SV2B: variants seen among roughly 807,000 people sequenced by gnomAD.
SV2B encodes the protein synaptic vesicle glycoprotein 2B, also known as solute carrier family 22 member B2.
A neutral mutation model predicts 73.9 loss-of-function variants in SV2B; 41 were observed. The ratio of observed to expected loss-of-function variants is 0.56; its 90% CI spans 0.43 to 0.72. SV2B has a LOEUF of 0.72. Among genes scored for constraint, SV2B ranks in the 30% least tolerant of loss-of-function variants. The pLI is 0.00. For missense variants in SV2B, 764 were observed against 857.8 expected, an observed-to-expected ratio of 0.89 and a Z score of 1.37; for synonymous variants, 314 against 314.2, an observed-to-expected ratio of 1.00 and a Z score of 0.01.
chr15:91,287,791 G>A (rs1322544610), intron 11 of SV2B, among the ~76,000 whole-genome samples: 1 of 152,202 alleles, frequency 6.6e-6, no homozygotes, highest in Non-Finnish European at 1.5e-5. Context: ...TGTGGAAAGG[G>A]TTATGGAAAC....
Position 91,250,902 on chromosome 15 carries a change from A to G in SV2B, c.452-917A>G, listed in dbSNP as rs184502401. 6.2e-3 allele frequency among the ~76,000 whole-genome samples: 946 copies of G among 152,334 alleles called. 5 individuals are homozygous for G. The highest frequency in any genetic ancestry group is 0.027 in the Middle Eastern group (8 of 294). On this transcript the variant is annotated intron_variant, in intron 2 of 12. Transcript: ENST00000394232. ...CTGCCCAAAGTAACCTACAGATTCAATGCCGTCCCTATCAAACTTCCAATG... is the reference window on the plus strand; with the variant it reads ...CTGCCCAAAGTAACCTACAGATTCAGTGCCGTCCCTATCAAACTTCCAATG...
chr15:91,202,335 A>T (rs1031747666), intron 1 of SV2B, among the ~76,000 whole-genome samples: 2 of 152,224 alleles, frequency 1.3e-5, no homozygotes, highest in Non-Finnish European at 2.9e-5. Context: ...TGCTTAGCAC[A>T]TAGTAGGTGC....
chr15:91,197,098 T>C lies in SV2B; in HGVS notation c.-391-28775T>C, dbSNP rs1397458106. On this transcript the variant is annotated intron_variant, in intron 1 of 12. Transcript: ENST00000394232. The surrounding 1 kb of genome is among the most constrained non-coding windows in gnomAD (Gnocchi z 4.9). ...TGATCTTTGATGTCAGAAAGACCTG[T>C]CTGCCCTGTTTCAGATGTGAGGCTG... Among the ~76,000 whole-genome samples, 2 of 152,264 alleles carry C rather than the reference T, an allele frequency of 1.3e-5. No homozygotes were observed. The highest frequency in any genetic ancestry group is 1.3e-4 in the Admixed American group (2 of 15,288).
rs2048738553 is a variant in SV2B, at chr15:91,283,224, CA to C, written c.1508-795del. 6.6e-6 allele frequency among the ~76,000 whole-genome samples: 1 copy of C among 152,202 alleles called. No homozygotes were observed. Among genetic ancestry groups the C allele is most frequent in the South Asian group, 2.1e-4 (1 of 4,828 alleles). ...TGTCAGAAGACTTGCAAACTGGTTC[CA>C]ATGCAAATGGCTTTTATTTTTTAAG... On this transcript the variant is annotated intron_variant, in intron 10 of 12. Transcript: ENST00000394232. The surrounding 1 kb of genome is among the most constrained non-coding windows in gnomAD (Gnocchi z 4.3).
chr15:91,121,328 A>C lies in SV2B; in HGVS notation c.-392+20965A>C, dbSNP rs560952455. Among the ~76,000 whole-genome samples the C allele has an allele frequency of 2.0e-4, 30 of 152,222 alleles. No homozygotes were observed. Among genetic ancestry groups the C allele is most frequent in the Middle Eastern group, 3.4e-3 (1 of 294 alleles). On this transcript the variant is annotated intron_variant, in intron 1 of 12. Coordinates refer to ENST00000394232, the MANE Select transcript of SV2B (RefSeq NM_001323032.3). The surrounding 1 kb of genome is among the most constrained non-coding windows in gnomAD (Gnocchi z 4.4). The stretch of plus-strand genomic sequence containing the variant: ...ATTTTCCCCCCTAACCCTCCTGAGA[A>C]TACTTAAGCCAGAATCTCTAGGGAT...
At chr15:91,291,064 A>G (rs112763361) in intron 12 of SV2B, among the ~76,000 whole-genome samples, 2 of 148,236 alleles carry the variant, frequency 1.3e-5, no homozygotes, top group African/African-American at 4.9e-5. Context: ...TTATGATAAT[A>G]CATATAATTA....
In SV2B at chr15:91,115,900, C is replaced by T. The variant is rs571408383; in HGVS notation, c.-392+15537C>T. Among the ~76,000 whole-genome samples the T allele has an allele frequency of 6.6e-5, 10 of 152,086 alleles. No individual in the cohort carries two copies. Among genetic ancestry groups the T allele is most frequent in the Non-Finnish European group, 1.3e-4 (9 of 68,012 alleles). On this transcript the variant is annotated intron_variant, in intron 1 of 12. Coordinates refer to ENST00000394232, the MANE Select transcript of SV2B (RefSeq NM_001323032.3). The surrounding 1 kb of genome is among the most constrained non-coding windows in gnomAD (Gnocchi z 4.3). The stretch of plus-strand genomic sequence containing the variant: ...ATAGGTAAGGAAAACGTGATCTCTG[C>T]CCTCAGGGTGTATAGTGTAGAAGTT...
At chr15:91,217,419 T>G (rs932292811) in intron 1 of SV2B, among the ~76,000 whole-genome samples, 71 of 151,978 alleles carry the variant, frequency 4.7e-4, no homozygotes, top group African/African-American at 1.7e-3. Context: ...TTCTGAACGT[T>G]TGGGGGGAGG....
chr15:91,276,887 TC>T (rs2048511498), intron 9 of SV2B, among the ~76,000 whole-genome samples: 1 of 144,630 alleles, frequency 6.9e-6, no homozygotes, highest in Non-Finnish European at 1.5e-5. Context: ...AATGGCATGA[TC>T]TCAGCTCACC....
At chr15:91,119,499 T>C (rs1315093936) in intron 1 of SV2B, among the ~76,000 whole-genome samples, 1 of 152,242 alleles carries the variant, frequency 6.6e-6, no homozygotes, top group African/African-American at 2.4e-5. Flanking sequence ...ATTTGGAAAT[T>C]ACCCAAATCT....
At chr15:91,116,357 G>A (rs1017850879) in intron 1 of SV2B, among the ~76,000 whole-genome samples, 2 of 152,138 alleles carry the variant, frequency 1.3e-5, no homozygotes, top group African/African-American at 2.4e-5. Context: ...TTTGAACACC[G>A]GTCAGCATAT....
At chr15:91,126,028 C>G (rs1038549445) in intron 1 of SV2B, among the ~76,000 whole-genome samples, 1 of 151,918 alleles carries the variant, frequency 6.6e-6, no homozygotes, top group African/African-American at 2.4e-5. Flanking sequence ...TTAATAGTCA[C>G]AAATCTAAAG....
At position 91,283,986 on chromosome 15, in the gene SV2B, A is replaced by C. The variant is rs200437323; in HGVS notation, c.1508-35A>C. On this transcript the variant is annotated intron_variant, in intron 10 of 12. Coordinates refer to ENST00000394232, the MANE Select transcript of SV2B (RefSeq NM_001323032.3). This position sits in a 1 kb window ranked among gnomAD's most constrained non-coding sequence, Gnocchi z 4.3. ...GCCTTTCTCTCTCCAGCTCCCTTCC[A>C]CTTACATGAACCGAAGGTTTCCTTC... 1.1e-5 allele frequency: 18 copies of C among 1,609,430 alleles called. No homozygotes were observed. Among genetic ancestry groups the C allele is most frequent in the Non-Finnish European group, 1.4e-5 (17 of 1,176,386 alleles).
At chr15:91,233,135 G>A (rs74040131) in intron 2 of SV2B, among the ~76,000 whole-genome samples, 6 of 152,152 alleles carry the variant, frequency 3.9e-5, no homozygotes, top group African/African-American at 1.2e-4. Context: ...TTGATTCGAC[G>A]TTAAAGACCC....
chr15:91,235,544 C>T (rs973202056), intron 2 of SV2B, among the ~76,000 whole-genome samples: 5 of 151,950 alleles, frequency 3.3e-5, no homozygotes, highest in African/African-American at 4.8e-5. Flanking sequence ...ATTAAACCAC[C>T]GGGGGTTAAA....
rs945365139 is a variant in SV2B at position 91,106,515 on chromosome 15, T to G, written c.-392+6152T>G. On this transcript the variant is annotated intron_variant, in intron 1 of 12. Transcript: ENST00000394232. The surrounding 1 kb of genome is among the most constrained non-coding windows in gnomAD (Gnocchi z 4.4). ...GTGTAACTCCTTGAAGTTATTTCCT[T>G]TCTTTACAAGGTCTCATGGGAGCCT... Among the ~76,000 whole-genome samples, 1 of 150,278 alleles carries G rather than the reference T, an allele frequency of 6.7e-6. No individual in the cohort carries two copies. The highest frequency in any genetic ancestry group is 6.6e-5 in the Admixed American group (1 of 15,156).
At chr15:91,153,311 C>T (rs1013467297) in intron 1 of SV2B, among the ~76,000 whole-genome samples, 1 of 152,174 alleles carries the variant, frequency 6.6e-6, no homozygotes, top group East Asian at 1.9e-4. Context: ...TATTGGACCA[C>T]GTCACATCAT....
At position 91,100,801 on chromosome 15, in the gene SV2B, T is replaced by C. The variant is rs954374706; in HGVS notation, c.-392+438T>C. ...AGAATTCAAACGTGCTTACACCTGGTGGCTCTTGGGGTTTGTGAGTGTGTA... is the reference window on the plus strand; with the variant it reads ...AGAATTCAAACGTGCTTACACCTGGCGGCTCTTGGGGTTTGTGAGTGTGTA... On this transcript the variant is annotated intron_variant, in intron 1 of 12. Coordinates refer to ENST00000394232, the MANE Select transcript of SV2B (RefSeq NM_001323032.3). The surrounding 1 kb of genome is among the most constrained non-coding windows in gnomAD (Gnocchi z 6.4). Among the ~76,000 whole-genome samples the C allele has an allele frequency of 6.6e-6, 1 of 152,248 alleles. No individual in the cohort carries two copies. Among genetic ancestry groups the C allele is most frequent in the Non-Finnish European group, 1.5e-5 (1 of 68,046 alleles).
intron 1 of SV2B, among the ~76,000 whole-genome samples, chr15:91,168,330 G>GAGAGAGAGAGAGAA (rs767873327): frequency 1.3e-5 from 2 of 151,198 alleles, no homozygotes; most frequent in East Asian, 3.9e-4. Flanking sequence ...GAGAGAGAGA[G>GAGAGAGAGAGAGAA]AAAAGAAATT....
Sources: gnomAD v4.1 joint callset for allele counts (sites outside exome capture counted in the v4.1 genomes callset) on GRCh38, gnomAD v4.1.1 for gene constraint, Gnocchi (gnomAD v3.1) non-coding constraint, MANE v1.5 for transcripts, NCBI Gene and HGNC (gene_info 2026-07-23, HGNC 2026-07-21) for gene names.